The following PIK3C2G variants were observed in gnomAD, a reference collection of about 807,000 sequenced individuals.
PIK3C2G encodes phosphatidylinositol 3-kinase C2 domain-containing subunit gamma.
Under a neutral mutation model 181.1 loss-of-function variants are expected in PIK3C2G, and 168 were observed. That is an observed-to-expected ratio of 0.93 (90% CI 0.82 to 1.05). PIK3C2G has a LOEUF of 1.05. Among genes scored for constraint, PIK3C2G ranks in the 50% least tolerant of loss-of-function variants. The probability of loss-of-function intolerance (pLI) is 0.00; values close to 1 mark genes in which losing one functional copy is unlikely to be tolerated. For synonymous variants in PIK3C2G, 573 were observed against 592.2 expected, an observed-to-expected ratio of 0.97 and a Z score of 0.47; for missense variants, 1,869 against 1,732.8, an observed-to-expected ratio of 1.08 and a Z score of -1.40.
At chr12:18,277,953 T>C (rs968527095) in intron 1 of PIK3C2G, among the ~76,000 whole-genome samples, 8 of 152,170 alleles carry the variant, frequency 5.3e-5, no homozygotes, top group Admixed American at 5.2e-4. Flanking sequence ...TCATTAATAA[T>C]ACCAGCTTTC....
chr12:18,394,941 A>G (rs1943764099), intron 15 of PIK3C2G, among the ~76,000 whole-genome samples: 1 of 151,908 alleles, frequency 6.6e-6, no homozygotes, highest in Non-Finnish European at 1.5e-5. Context: ...TATAAGAAGT[A>G]AAAGGCTTAG....
intron 30 of PIK3C2G, among the ~76,000 whole-genome samples, chr12:18,597,081 T>G (rs1378017713): frequency 6.6e-6 from 1 of 152,020 alleles, no homozygotes; most frequent in African/African-American, 2.4e-5. Flanking sequence ...GAGGGCTTTC[T>G]CTAATTACCT....
intron 18 of PIK3C2G, among the ~76,000 whole-genome samples, chr12:18,457,328 T>C (rs1175121554): frequency 1.3e-5 from 2 of 152,198 alleles, no homozygotes; most frequent in African/African-American, 2.4e-5. Flanking sequence ...TGGATGGCAA[T>C]TGAGGAAGTA....
chr12:18,616,256 C>T (rs748018067), intron 31 of PIK3C2G, among the ~76,000 whole-genome samples: 12 of 151,970 alleles, frequency 7.9e-5, no homozygotes, highest in Admixed American at 2.6e-4. Flanking sequence ...ATTGAGAATT[C>T]GCTGAGTATA....
intron 1 of PIK3C2G, among the ~76,000 whole-genome samples, chr12:18,264,051 T>C (rs1430638672): frequency 6.6e-6 from 1 of 152,130 alleles, no homozygotes; most frequent in Non-Finnish European, 1.5e-5. Context: ...TTGATTGATG[T>C]TTGTTGTTTT....
At chr12:18,378,771 C>T (rs1348854842) in intron 13 of PIK3C2G, among the ~76,000 whole-genome samples, 1 of 152,196 alleles carries the variant, frequency 6.6e-6, no homozygotes, top group Admixed American at 6.5e-5. Flanking sequence ...AAATGCTCAT[C>T]ATTGCTGGCC....
At chr12:18,645,623 T>C (rs75629709) in intron 32 of PIK3C2G, among the ~76,000 whole-genome samples, 19 of 152,290 alleles carry the variant, frequency 1.2e-4, no homozygotes, top group East Asian at 3.9e-4. Flanking sequence ...TTTTGTGTAT[T>C]TGATGGATCT....
upstream of PIK3C2G, among the ~76,000 whole-genome samples, chr12:18,257,151 G>A (rs1948153524): frequency 6.6e-6 from 1 of 152,142 alleles, no homozygotes; most frequent in South Asian, 2.1e-4. Context: ...ATGGTCTAGA[G>A]CTTAGACACA....
rs192461555 is a variant in PIK3C2G at position 18,618,623 on chromosome 12, A to G, written c.4182+8994A>G. On this transcript the variant is annotated intron_variant, in intron 31 of 32. Coordinates refer to ENST00000538779, the MANE Select transcript of PIK3C2G (RefSeq NM_001288772.2). The stretch of plus-strand genomic sequence containing the variant: ...ACGAACAATCCTCAGTTGAAAAGAC[A>G]ATAGATACACTCTGAAATGATCCAG... Among the ~76,000 whole-genome samples the G allele has an allele frequency of 2.6e-5, 4 of 152,298 alleles. No homozygotes were observed. The East Asian group carries it at 5.8e-4, about 22-fold the overall frequency.
chr12:18,295,419 C>G lies in PIK3C2G; in HGVS notation c.1034+1404C>G, dbSNP rs924592301. The stretch of plus-strand genomic sequence containing the variant: ...ATGCCAAAACATTATATCCAAAGAG[C>G]AAAACATTGTCAAATATTTGCATTA... On this transcript the variant is annotated intron_variant, in intron 5 of 32. Coordinates refer to ENST00000538779, the MANE Select transcript of PIK3C2G (RefSeq NM_001288772.2). Among the ~76,000 whole-genome samples the G allele has an allele frequency of 4.0e-5, 6 of 151,856 alleles. No homozygotes were observed. In the East Asian group the frequency reaches 1.2e-3, roughly 29 times the overall value.
intron 31 of PIK3C2G, among the ~76,000 whole-genome samples, chr12:18,613,800 A>G (rs1162753153): frequency 6.6e-6 from 1 of 152,056 alleles, no homozygotes; most frequent in Non-Finnish European, 1.5e-5. Context: ...CTAGTACCCT[A>G]ATGTCCCAAA....
the PIK3C2G span, among the ~76,000 whole-genome samples, chr12:18,697,852 G>A: frequency 8.0e-5 from 12 of 150,718 alleles, no homozygotes; most frequent in Non-Finnish European, 1.6e-4. Context: ...CATCCTTGAA[G>A]TTAAACCTTT....
At chr12:18,468,108 G>A (rs1042381535) in intron 18 of PIK3C2G, among the ~76,000 whole-genome samples, 1 of 151,962 alleles carries the variant, frequency 6.6e-6, no homozygotes, top group Non-Finnish European at 1.5e-5. Flanking sequence ...CTCAAGTTTT[G>A]TAAAGAGGTG....
chr12:18,470,351 G>C (rs1445867783), intron 18 of PIK3C2G, among the ~76,000 whole-genome samples: 1 of 151,936 alleles, frequency 6.6e-6, no homozygotes, highest in East Asian at 1.9e-4. Flanking sequence ...CAGGGTCCAG[G>C]GTCTCTAATA....
At chr12:18,245,610 T>C (rs1948031787), upstream of PIK3C2G, among the ~76,000 whole-genome samples, 1 of 152,080 alleles carries the variant, frequency 6.6e-6, no homozygotes, top group Non-Finnish European at 1.5e-5. Context: ...AATGTACAAT[T>C]GGATGCACTG....
chr12:18,683,491 G>C, the PIK3C2G span: 1 of 1,481,984 alleles, frequency 6.7e-7, no homozygotes, highest in South Asian at 1.2e-5. Flanking sequence ...TTAAATATTT[G>C]CATTTTCTAT....
At chr12:18,670,004 A>G in the PIK3C2G span, among the ~76,000 whole-genome samples, 2 of 152,138 alleles carry the variant, frequency 1.3e-5, no homozygotes, top group African/African-American at 4.8e-5. Context: ...ATCCTATCAT[A>G]GTGGCTCAGC....
intron 7 of PIK3C2G, among the ~76,000 whole-genome samples, chr12:18,321,926 C>G (rs776647733): frequency 6.6e-6 from 1 of 152,118 alleles, no homozygotes; most frequent in Non-Finnish European, 1.5e-5. Context: ...ACAACACACA[C>G]TGGGGCCCAT....
intron 24 of PIK3C2G, among the ~76,000 whole-genome samples, chr12:18,523,620 G>T (rs1943050239): frequency 6.6e-6 from 1 of 152,190 alleles, no homozygotes; most frequent in Admixed American, 6.5e-5. Flanking sequence ...CCCTCCATGG[G>T]TAACTGCTAA....
Sources: gnomAD v4.1 joint callset for allele counts (sites outside exome capture counted in the v4.1 genomes callset) on GRCh38, gnomAD v4.1.1 for gene constraint, MANE v1.5 for transcripts, NCBI Gene and HGNC (gene_info 2026-07-23, HGNC 2026-07-21) for gene names.